SH3RF3: variants seen among roughly 807,000 people sequenced by gnomAD.
SH3RF3 encodes SH3 domain containing ring finger 3.
Under a neutral mutation model 66.3 loss-of-function variants are expected in SH3RF3, and 29 were observed. That is an observed-to-expected ratio of 0.44 (90% CI 0.33 to 0.60). The LOEUF is 0.60. Among genes scored for constraint, SH3RF3 ranks in the 20% least tolerant of loss-of-function variants. SH3RF3 has a pLI of 0.04. For synonymous variants in SH3RF3, 583 were observed against 532.0 expected (o/e 1.10, Z -1.32); for missense variants, 1,194 against 1,190.9 (o/e 1.00, Z -0.04).
intron 4 of SH3RF3, among the ~76,000 whole-genome samples, chr2:109,403,849 CT>C (rs1676379496): frequency 6.6e-6 from 1 of 152,238 alleles, no homozygotes; most frequent in Non-Finnish European, 1.5e-5. Context: ...AAAAACTCCC[CT>C]ACCTGTCTGT....
chr2:109,176,493 G>A (rs1437033288), intron 1 of SH3RF3, among the ~76,000 whole-genome samples: 1 of 152,146 alleles, frequency 6.6e-6, no homozygotes, highest in East Asian at 1.9e-4. Context: ...ACACTTTGTG[G>A]GGCCAAGGTG....
rs1165652684 is a variant in SH3RF3, at chr2:109,251,736, C to T, written c.574-95938C>T. Reference sequence around the variant, plus strand: ...GTAAAAATTAGGTCGTGTACATTTTCATATTAGACTTTTTGTTAAATAAAC... The same window carrying T: ...GTAAAAATTAGGTCGTGTACATTTTTATATTAGACTTTTTGTTAAATAAAC... On this transcript the variant is annotated intron_variant, in intron 1 of 9. Coordinates refer to ENST00000309415, the MANE Select transcript of SH3RF3 (RefSeq NM_001099289.3). The T allele has an allele frequency of 6.1e-6, 4 of 655,728 alleles. No homozygotes were observed. The African/African-American group carries it at 7.3e-5, about 12-fold the overall frequency. The allele number at this position is 655,728 out of a possible 1,614,324, so 40.6% of individuals were successfully genotyped here.
intron 3 of SH3RF3, among the ~76,000 whole-genome samples, chr2:109,394,918 G>A (rs1175341257): frequency 2.0e-5 from 3 of 152,248 alleles, no homozygotes; most frequent in Non-Finnish European, 4.4e-5. Context: ...GTGCACGGGA[G>A]CCGCCGTCCC....
At chr2:109,334,079 C>A (rs1026116212) in intron 1 of SH3RF3, among the ~76,000 whole-genome samples, 8 of 152,208 alleles carry the variant, frequency 5.3e-5, no homozygotes, top group East Asian at 1.9e-4. Context: ...CACCTCAAAA[C>A]CAGGTTCAGA....
In SH3RF3 at chr2:109,400,887, T is replaced by C. The variant is rs139336519; in HGVS notation, c.1299+1944T>C. On this transcript the variant is annotated intron_variant, in intron 4 of 9. Transcript: ENST00000309415. ...CCCAGAGAACAGCCATTGGGGCTGC[T>C]AGTGCATTTTCTGTAAGGGGAAAAG... is the stretch of plus-strand genomic sequence containing the variant. Among the ~76,000 whole-genome samples, 1,520 of 152,314 alleles carry C rather than the reference T, an allele frequency of 1.0e-2. 37 individuals carry two copies. Among genetic ancestry groups the C allele is most frequent in the African/African-American group, 0.031 (1,272 of 41,578 alleles).
intron 1 of SH3RF3, among the ~76,000 whole-genome samples, chr2:109,148,578 C>T (rs1013399479): frequency 1.3e-5 from 2 of 152,240 alleles, no homozygotes; most frequent in Non-Finnish European, 2.9e-5. Flanking sequence ...TAATAGACCC[C>T]ATTAGATCAC....
Position 109,436,050 on chromosome 2 carries a change from G to A in SH3RF3, c.1575-843G>A, listed in dbSNP as rs1573250085. Among the ~76,000 whole-genome samples, 3 of 152,224 alleles carry A rather than the reference G, an allele frequency of 2.0e-5. No individual in the cohort carries two copies. The East Asian group carries it at 5.8e-4, about 29-fold the overall frequency. Reference sequence around the variant, plus strand: ...TCGTGCCCAGTGATACCAGCCACAGGGAGATGGCTGGACCAGGCACAGGAG... The same window carrying A: ...TCGTGCCCAGTGATACCAGCCACAGAGAGATGGCTGGACCAGGCACAGGAG... On this transcript the variant is annotated intron_variant, in intron 6 of 9. Transcript: ENST00000309415.
At chr2:109,245,148 C>T (rs1248878008) in intron 1 of SH3RF3, among the ~76,000 whole-genome samples, 1 of 152,188 alleles carries the variant, frequency 6.6e-6, no homozygotes, top group Non-Finnish European at 1.5e-5. Context: ...GGGAAGCTCC[C>T]CTGCTGGAGC....
intron 1 of SH3RF3, among the ~76,000 whole-genome samples, chr2:109,221,330 C>T (rs1461103609): frequency 6.6e-6 from 1 of 152,084 alleles, no homozygotes; most frequent in African/African-American, 2.4e-5. Context: ...CGGCTGTAAT[C>T]CCAGCATTTT....
At chr2:109,143,357 G>A (rs1161539435) in intron 1 of SH3RF3, among the ~76,000 whole-genome samples, 1 of 152,160 alleles carries the variant, frequency 6.6e-6, no homozygotes, top group Admixed American at 6.5e-5. Flanking sequence ...GAACCTCAAA[G>A]CGAGATGTGC....
chr2:109,348,799 C>A (rs1446889460), intron 2 of SH3RF3, among the ~76,000 whole-genome samples: 1 of 152,062 alleles, frequency 6.6e-6, no homozygotes, highest in African/African-American at 2.4e-5. Context: ...CTCCTCCATC[C>A]CCTGCCACTG....
intron 1 of SH3RF3, among the ~76,000 whole-genome samples, chr2:109,283,158 A>T (rs150422156): frequency 6.6e-6 from 1 of 152,176 alleles, no homozygotes; most frequent in African/African-American, 2.4e-5. Flanking sequence ...CAGCCCAGAA[A>T]TGCCTGTGAT....
At chr2:109,448,569 T>TG (rs1677773499) in intron 7 of SH3RF3, among the ~76,000 whole-genome samples, 1 of 152,176 alleles carries the variant, frequency 6.6e-6, no homozygotes, top group Non-Finnish European at 1.5e-5. Flanking sequence ...ACGCTCCTTA[T>TG]GAGAATCTAA....
chr2:109,235,803 C>T (rs985157462), intron 1 of SH3RF3, among the ~76,000 whole-genome samples: 6 of 152,208 alleles, frequency 3.9e-5, no homozygotes, highest in Admixed American at 1.3e-4. Context: ...TTCATCTTCA[C>T]GTGCACTCGG....
chr2:109,304,175 C>A (rs1342837379), intron 1 of SH3RF3, among the ~76,000 whole-genome samples: 2 of 152,138 alleles, frequency 1.3e-5, no homozygotes, highest in African/African-American at 4.8e-5. Flanking sequence ...TGGAGTCACA[C>A]TGCTGTACAG....
intron 1 of SH3RF3, among the ~76,000 whole-genome samples, chr2:109,158,793 G>A (rs1472757627): frequency 1.3e-5 from 2 of 152,204 alleles, no homozygotes; most frequent in Admixed American, 6.5e-5. Flanking sequence ...GCTGATTCCC[G>A]AGTGTGCACT....
At chr2:109,202,644 G>A (rs940503862) in intron 1 of SH3RF3, among the ~76,000 whole-genome samples, 1 of 152,092 alleles carries the variant, frequency 6.6e-6, no homozygotes, top group African/African-American at 2.4e-5. Context: ...CAGGAACCTG[G>A]GTCCTGGGAA....
At chr2:109,220,473 A>G (rs1679204774) in intron 1 of SH3RF3, among the ~76,000 whole-genome samples, 3 of 152,366 alleles carry the variant, frequency 2.0e-5, no homozygotes, top group Middle Eastern at 3.4e-3. Flanking sequence ...GGATACCATC[A>G]AGAGAGTGAA....
At chr2:109,253,719 C>A (rs560779291) in intron 1 of SH3RF3, among the ~76,000 whole-genome samples, 1 of 152,234 alleles carries the variant, frequency 6.6e-6, no homozygotes, top group African/African-American at 2.4e-5. Flanking sequence ...TATAATAGAA[C>A]AGGTGGTTAT....
Sources: allele counts gnomAD v4.1 joint callset (sites outside exome capture counted in the v4.1 genomes callset), GRCh38; gene constraint gnomAD v4.1.1; transcripts MANE v1.5; gene names NCBI Gene and HGNC (gene_info 2026-07-23, HGNC 2026-07-21).